Variants in EFNA5 observed in about 807,000 individuals in gnomAD.
EFNA5 encodes the protein ephrin-A5.
Under a neutral mutation model 22.9 loss-of-function variants are expected in EFNA5, and 5 were observed. That is an observed-to-expected ratio of 0.22 (90% CI 0.11 to 0.46). The LOEUF is 0.46. Among genes scored for constraint, EFNA5 ranks in the 20% least tolerant of loss-of-function variants. The probability of loss-of-function intolerance (pLI) is 0.99; values close to 1 mark genes in which losing one functional copy is unlikely to be tolerated. For synonymous variants in EFNA5, 113 were observed against 112.2 expected (o/e 1.01, Z -0.04); for missense variants, 237 against 293.3 (o/e 0.81, Z 1.40).
chr5:107,546,909 G>A (rs1308350258), intron 1 of EFNA5, among the ~76,000 whole-genome samples: 1 of 152,096 alleles, frequency 6.6e-6, no homozygotes, highest in Non-Finnish European at 1.5e-5. Flanking sequence ...CCAATGAATG[G>A]TCTCTTTTAG....
chr5:107,669,278 G>A (rs1430271649), intron 1 of EFNA5, among the ~76,000 whole-genome samples: 2 of 151,274 alleles, frequency 1.3e-5, no homozygotes, highest in African/African-American at 4.9e-5. Context: ...CTAACCCCTC[G>A]GCCTCCCGCC....
At chr5:107,457,759 T>C (rs1340460992) in intron 1 of EFNA5, among the ~76,000 whole-genome samples, 1 of 152,170 alleles carries the variant, frequency 6.6e-6, no homozygotes, top group Non-Finnish European at 1.5e-5. Context: ...CTCTGTACTA[T>C]CTGCTCAATT....
At chr5:107,421,932 C>T (rs1748679229) in intron 2 of EFNA5, among the ~76,000 whole-genome samples, 1 of 152,054 alleles carries the variant, frequency 6.6e-6, no homozygotes, top group Non-Finnish European at 1.5e-5. Flanking sequence ...GCTGGGGTTA[C>T]AGGCATGAGC....
intron 1 of EFNA5, among the ~76,000 whole-genome samples, chr5:107,581,295 T>G (rs1258744464): frequency 1.3e-5 from 2 of 152,228 alleles, no homozygotes; most frequent in Non-Finnish European, 2.9e-5. Context: ...AGTCTACCTC[T>G]TTCCCCACTT....
At chr5:107,599,107 C>G (rs151035509) in intron 1 of EFNA5, among the ~76,000 whole-genome samples, 1 of 152,194 alleles carries the variant, frequency 6.6e-6, no homozygotes, top group South Asian at 2.1e-4. Flanking sequence ...GAAATGGGCA[C>G]GGGAACCAGA....
intron 1 of EFNA5, among the ~76,000 whole-genome samples, chr5:107,613,975 C>T (rs1390725119): frequency 1.3e-5 from 2 of 152,104 alleles, no homozygotes; most frequent in African/African-American, 4.8e-5. Flanking sequence ...AATCAGTACC[C>T]TGCATAAATC....
Position 107,650,274 on chromosome 5 carries a change from A to C in EFNA5, c.125+20215T>G, listed in dbSNP as rs945097582. Among the ~76,000 whole-genome samples the C allele has an allele frequency of 5.9e-5, 9 of 152,314 alleles. 1 individual carries two copies. Among genetic ancestry groups the C allele is most frequent in the Admixed American group, 3.3e-4 (5 of 15,302 alleles). ...TTAGTCTGGCAAAGCAGAGAGGTAC[A>C]TAATGGATAAAGTGTCAAACCCTTT... On this transcript the variant is annotated intron_variant, in intron 1 of 4. Transcript: ENST00000333274.
At chr5:107,493,612 C>CT (rs1342723085) in intron 1 of EFNA5, among the ~76,000 whole-genome samples, 1 of 152,226 alleles carries the variant, frequency 6.6e-6, no homozygotes, top group African/African-American at 2.4e-5. Context: ...TGTACTTATT[C>CT]AGATTTGTAA....
At chr5:107,519,566 A>AT (rs1484136083) in intron 1 of EFNA5, among the ~76,000 whole-genome samples, 1 of 152,226 alleles carries the variant, frequency 6.6e-6, no homozygotes, top group Non-Finnish European at 1.5e-5. Context: ...GTTCTAAGGG[A>AT]AAAACATACA....
chr5:107,513,736 T>C (rs17637760), intron 1 of EFNA5, among the ~76,000 whole-genome samples: 7,182 of 152,230 alleles, frequency 0.047, 334 homozygotes, highest in South Asian at 0.22. Flanking sequence ...ATCCGTCCAT[T>C]AAAAACAGGC....
chr5:107,434,202 T>G (rs1184328684), intron 1 of EFNA5, among the ~76,000 whole-genome samples: 1 of 152,212 alleles, frequency 6.6e-6, no homozygotes, highest in Non-Finnish European at 1.5e-5. Context: ...TTTACTAGTC[T>G]CAAGTGTAAG....
At chr5:107,418,647 T>A (rs970711831) in intron 2 of EFNA5, among the ~76,000 whole-genome samples, 1 of 152,232 alleles carries the variant, frequency 6.6e-6, no homozygotes, top group African/African-American at 2.4e-5. Flanking sequence ...TTTGAACTTC[T>A]CGTCTGAGTG....
chr5:107,385,261 G>A (rs1350637720), intron 4 of EFNA5, among the ~76,000 whole-genome samples: 1 of 152,110 alleles, frequency 6.6e-6, no homozygotes, highest in Non-Finnish European at 1.5e-5. Flanking sequence ...TATCGTTAGT[G>A]GAATTCAAAG....
At chr5:107,472,874 G>C (rs78502332) in intron 1 of EFNA5, among the ~76,000 whole-genome samples, 6,925 of 152,244 alleles carry the variant, frequency 0.045, 218 homozygotes, top group East Asian at 0.14. Context: ...AAATAAAGCT[G>C]GTAGGACCAA....
chr5:107,670,592 TCAA>T lies in EFNA5; in HGVS notation c.19_21del (p.Leu7del). 2 of 1,604,018 alleles carry T rather than the reference TCAA, an allele frequency of 1.2e-6. No individual in the cohort carries two copies. Among genetic ancestry groups the T allele is most frequent in the Non-Finnish European group, 1.7e-6 (2 of 1,175,860 alleles). ...ATCCAGAGCACCAGAAACACCAGCG[TCAA>T]CATCTCCACGTGCAACATCACGCCT... On this transcript the variant is annotated inframe_deletion, in exon 1 of 5. Transcript: ENST00000333274.
Position 107,498,324 on chromosome 5 carries a change from A to G in EFNA5, c.126-70815T>C, listed in dbSNP as rs115498134. On this transcript the variant is annotated intron_variant, in intron 1 of 4. Coordinates refer to ENST00000333274, the MANE Select transcript of EFNA5 (RefSeq NM_001962.3). ...ACCTTTTTTCATAGCTCATACACGT[A>G]TATTTATTTCATTCTTACTAGGGCA... Among the ~76,000 whole-genome samples the G allele has an allele frequency of 1.8e-3, 271 of 152,366 alleles. 3 individuals carry two copies. Among genetic ancestry groups the G allele is most frequent in the Non-Finnish European group, 3.3e-3 (226 of 68,032 alleles).
At chr5:107,500,543 C>A (rs1022984582) in intron 1 of EFNA5, among the ~76,000 whole-genome samples, 18 of 152,164 alleles carry the variant, frequency 1.2e-4, no homozygotes, top group African/African-American at 3.6e-4. Flanking sequence ...AGAGAGCAGG[C>A]AAGGCTTTCC....
chr5:107,431,446 T>C (rs990810904), intron 1 of EFNA5, among the ~76,000 whole-genome samples: 6 of 152,080 alleles, frequency 3.9e-5, no homozygotes, highest in Non-Finnish European at 8.8e-5. Context: ...AATATTAGAG[T>C]GCTTATTATG....
At position 107,485,127 on chromosome 5, in the gene EFNA5, T is replaced by C. The variant is rs73197041; in HGVS notation, c.126-57618A>G. On this transcript the variant is annotated intron_variant, in intron 1 of 4. Coordinates refer to ENST00000333274, the MANE Select transcript of EFNA5 (RefSeq NM_001962.3). The stretch of plus-strand genomic sequence containing the variant: ...TACAAATCTAAGAGGAGGGTTTGAA[T>C]TCCTAATCCTGTTCTTTTTCCTTGC... Among the ~76,000 whole-genome samples the C allele has an allele frequency of 4.3e-3, 661 of 152,274 alleles. 2 individuals are homozygous for C. The highest frequency in any genetic ancestry group is 0.015 in the African/African-American group (636 of 41,554).
Sources: allele counts gnomAD v4.1 joint callset (sites outside exome capture counted in the v4.1 genomes callset), GRCh38; gene constraint gnomAD v4.1.1; transcripts MANE v1.5; gene names NCBI Gene and HGNC (gene_info 2026-07-23, HGNC 2026-07-21).